Variants in DLGAP1 observed in about 807,000 individuals in gnomAD.
DLGAP1 encodes disks large-associated protein 1.
A neutral mutation model predicts 90.8 loss-of-function variants in DLGAP1; 11 were observed. The ratio of observed to expected loss-of-function variants is 0.12; its 90% CI spans 0.08 to 0.20. DLGAP1 has a LOEUF of 0.20. Ranked by LOEUF, DLGAP1 falls within the 10% of genes least tolerant of loss-of-function variation. DLGAP1 has a pLI of 1.00. For synonymous variants in DLGAP1, 558 were observed against 540.7 expected, an observed-to-expected ratio of 1.03 and a Z score of -0.44; for missense variants, 1,050 against 1,333.8, an observed-to-expected ratio of 0.79 and a Z score of 3.31.
intron 3 of DLGAP1, among the ~76,000 whole-genome samples, chr18:3,943,881 C>A (rs1337869136): frequency 6.6e-6 from 1 of 152,108 alleles, no homozygotes; most frequent in Non-Finnish European, 1.5e-5. Context: ...CACAGACACA[C>A]AGGGAGGACC....
rs146128802 is a variant in DLGAP1 at position 4,316,540 on chromosome 18, C to T, written c.-267+138466G>A. Among the ~76,000 whole-genome samples the T allele has an allele frequency of 3.3e-5, 5 of 152,266 alleles. No homozygotes were observed. In the East Asian group the frequency reaches 7.7e-4, roughly 24 times the overall value. ...ACCACGGTCCTCTCCTATGGCTCCA[C>T]GTGTGCCCTGGAGAGACATGTAAGA... On this transcript the variant is annotated intron_variant, in intron 1 of 12. Transcript: ENST00000315677.
chr18:3,507,321 T>TAAAACAAAACAAAAC (rs71366673), intron 11 of DLGAP1, among the ~76,000 whole-genome samples: 19,945 of 148,194 alleles, frequency 0.13, 1,636 homozygotes, highest in Middle Eastern at 0.28. Context: ...CCGTCTCTAC[T>TAAAACAAAACAAAAC]AAAACAAAAC....
intron 2 of DLGAP1, among the ~76,000 whole-genome samples, chr18:4,097,048 G>T (rs1165148142): frequency 2.0e-5 from 3 of 152,152 alleles, no homozygotes; most frequent in Non-Finnish European, 2.9e-5. Context: ...CTTATCTTCT[G>T]TTTTGTTTCC....
In DLGAP1 at chr18:3,578,353, G is replaced by A. The variant is rs112085681; in HGVS notation, c.1965+3522C>T. Among the ~76,000 whole-genome samples the A allele has an allele frequency of 6.3e-3, 948 of 151,576 alleles. 12 individuals are homozygous for A. Among genetic ancestry groups the A allele is most frequent in the African/African-American group, 0.022 (902 of 41,258 alleles). ...TAACGAAATTCAATGAATAGTTTGC[G>A]TCTTTAATTTTTTTTTTTTTTTGAG... On this transcript the variant is annotated intron_variant, in intron 8 of 12. Coordinates refer to ENST00000315677, the MANE Select transcript of DLGAP1 (RefSeq NM_004746.4).
At chr18:3,535,890 C>G (rs1335847868) in intron 9 of DLGAP1, among the ~76,000 whole-genome samples, 3 of 151,280 alleles carry the variant, frequency 2.0e-5, no homozygotes, top group Admixed American at 6.6e-5. Context: ...AAAAAATTAG[C>G]TGGGCGTGGT....
intron 3 of DLGAP1, chr18:3,978,345 C>T: frequency 2.9e-6 from 1 of 350,208 alleles, no homozygotes; most frequent in South Asian, 2.5e-5. Context: ...TACTCAGTGC[C>T]AGCATCATCT....
intron 7 of DLGAP1, among the ~76,000 whole-genome samples, chr18:3,642,894 G>A (rs1163018934): frequency 6.6e-6 from 1 of 152,212 alleles, no homozygotes; most frequent in Non-Finnish European, 1.5e-5. Context: ...GCAATGTCTA[G>A]TCAAACCAGC....
rs1471601085 is a variant in DLGAP1, at chr18:3,497,841, T to TC, written c.*1343dup. 6.6e-6 allele frequency: 1 copy of TC among 152,214 alleles called. No individual in the cohort carries two copies. The highest frequency in any genetic ancestry group is 1.5e-5 in the Non-Finnish European group (1 of 68,042). The allele number at this position is 152,214 out of a possible 1,614,324, so 9.4% of individuals were successfully genotyped here. ...CTTGACTTCTTTCAGTGTTTATGAA[T>TC]CATGACTCCCCCCACCTCTTCATGG... is the stretch of plus-strand genomic sequence containing the variant. On this transcript the variant is annotated 3_prime_UTR_variant, in exon 13 of 13. Coordinates refer to ENST00000315677, the MANE Select transcript of DLGAP1 (RefSeq NM_004746.4).
At chr18:3,678,984 T>G (rs937158187) in intron 7 of DLGAP1, among the ~76,000 whole-genome samples, 2 of 152,198 alleles carry the variant, frequency 1.3e-5, no homozygotes, top group Admixed American at 1.3e-4. Flanking sequence ...CTTCTTCTTC[T>G]TTTTAAAAAA....
At chr18:3,546,271 G>A (rs1354357702) in intron 9 of DLGAP1, among the ~76,000 whole-genome samples, 2 of 151,934 alleles carry the variant, frequency 1.3e-5, no homozygotes, top group Non-Finnish European at 2.9e-5. Flanking sequence ...AAAATTAGTC[G>A]AGCATGGTGG....
chr18:4,330,448 C>T (rs1290040080), intron 1 of DLGAP1, among the ~76,000 whole-genome samples: 2 of 151,726 alleles, frequency 1.3e-5, no homozygotes, highest in Non-Finnish European at 2.9e-5. Context: ...TCTCTTTAGA[C>T]AGAAACTTAG....
intron 1 of DLGAP1, among the ~76,000 whole-genome samples, chr18:4,245,733 A>C (rs964782019): frequency 1.3e-5 from 2 of 152,140 alleles, no homozygotes; most frequent in African/African-American, 4.8e-5. Context: ...TTTTTCAAGT[A>C]AGATTTGATT....
At chr18:3,580,479 T>C in intron 8 of DLGAP1, 2 of 1,610,238 alleles carry the variant, frequency 1.2e-6, no homozygotes, top group Non-Finnish European at 1.7e-6. Context: ...CTCTTCATTG[T>C]CCACAAGGTG....
chr18:4,367,203 A>C (rs2081794870), intron 1 of DLGAP1, among the ~76,000 whole-genome samples: 1 of 149,740 alleles, frequency 6.7e-6, no homozygotes, highest in Non-Finnish European at 1.5e-5. Context: ...GTTATTCAAA[A>C]GTAGCAACAT....
chr18:4,445,180 C>T (rs1477107841), intron 1 of DLGAP1, among the ~76,000 whole-genome samples: 1 of 152,138 alleles, frequency 6.6e-6, no homozygotes, highest in Non-Finnish European at 1.5e-5. Flanking sequence ...TCAATTACTA[C>T]AAATCAGTTC....
rs369847711 is a variant in DLGAP1, at chr18:4,209,833, T to G, written c.-266-58546A>C. 1.2e-4 allele frequency among the ~76,000 whole-genome samples: 19 copies of G among 152,278 alleles called. 4 individuals carry two copies. The highest frequency in any genetic ancestry group is 3.9e-4 in the East Asian group (2 of 5,170). On this transcript the variant is annotated intron_variant, in intron 1 of 12. Transcript: ENST00000315677. ...ACACAGTTCTTGCCCTCTTGGAAGA[T>G]AAGGCATAGCAGAAATAATAGAAAA...
At chr18:3,639,746 C>A (rs1033698281) in intron 7 of DLGAP1, among the ~76,000 whole-genome samples, 1 of 141,090 alleles carries the variant, frequency 7.1e-6, no homozygotes, top group African/African-American at 2.8e-5. Context: ...CTGCTACCTG[C>A]AGAGTTGCCT....
chr18:4,138,760 TG>T (rs1377063308), intron 2 of DLGAP1, among the ~76,000 whole-genome samples: 1 of 152,022 alleles, frequency 6.6e-6, no homozygotes, highest in African/African-American at 2.4e-5. Context: ...GTGAAACCAC[TG>T]GGTCTTGGGC....
rs2059375894 is a variant in DLGAP1 at position 3,653,256 on chromosome 18, C to A, written c.1592-71008G>T. 6.6e-6 allele frequency among the ~76,000 whole-genome samples: 1 copy of A among 152,166 alleles called. No homozygotes were observed. The highest frequency in any genetic ancestry group is 1.5e-5 in the Non-Finnish European group (1 of 68,036). On this transcript the variant is annotated intron_variant, in intron 7 of 12. Coordinates refer to ENST00000315677, the MANE Select transcript of DLGAP1 (RefSeq NM_004746.4). This position sits in a 1 kb window ranked among gnomAD's most constrained non-coding sequence, Gnocchi z 4.6. ...CTGCCATTGGTGCGACTGTTTCCCC[C>A]TTCCGTCAAATTGCTGTCTAGATGT...
Sources: gnomAD v4.1 joint callset for allele counts (sites outside exome capture counted in the v4.1 genomes callset) on GRCh38, gnomAD v4.1.1 for gene constraint, Gnocchi (gnomAD v3.1) non-coding constraint, MANE v1.5 for transcripts, NCBI Gene and HGNC (gene_info 2026-07-23, HGNC 2026-07-21) for gene names.